Variants in LAPTM5 observed in about 807,000 individuals in gnomAD.
LAPTM5 encodes the protein lysosomal-associated transmembrane protein 5.
A neutral mutation model predicts 30.1 loss-of-function variants in LAPTM5; 11 were observed. The ratio of observed to expected loss-of-function variants is 0.37; its 90% CI spans 0.23 to 0.60. The LOEUF is 0.60. Ranked by LOEUF, LAPTM5 falls within the 20% of genes least tolerant of loss-of-function variation. The probability of loss-of-function intolerance (pLI) is 0.71; values close to 1 mark genes in which losing one functional copy is unlikely to be tolerated. For missense variants in LAPTM5, 324 were observed against 332.5 expected, an observed-to-expected ratio of 0.97 and a Z score of 0.20; for synonymous variants, 151 against 137.9, an observed-to-expected ratio of 1.10 and a Z score of -0.67.
In LAPTM5 at chr1:30,735,209, C is replaced by T. The variant is rs754429654; in HGVS notation, c.663G>A (p.Ser221=). The change falls in exon 7 of 8, where the codon TCG becomes TCA. Residue 221 remains serine (S), a synonymous_variant. Transcript: ENST00000294507. ...TCTTGGAGTTTCTCTTCTCCTCCAC[C>T]GAGTTCATGCACTTGATCAATCTGT... ...RCYRLIKCMN[S]VEEKRNSKML... The T allele has an allele frequency of 1.4e-5, 22 of 1,613,950 alleles. No individual in the cohort carries two copies. The highest frequency in any genetic ancestry group is 3.3e-5 in the Admixed American group (2 of 60,002).
chr1:30,751,782 A>C (rs944462183), intron 1 of LAPTM5, among the ~76,000 whole-genome samples: 3 of 152,110 alleles, frequency 2.0e-5, no homozygotes, highest in African/African-American at 7.2e-5. Context: ...TCCACAGCCC[A>C]CTTCAGGCAC....
At chr1:30,737,788 CCA>C (rs1181895860) in intron 5 of LAPTM5, 89 bp from the exon 6 acceptor site, 19 of 832,680 alleles carry the variant, frequency 2.3e-5, no homozygotes, top group East Asian at 5.2e-5. Flanking sequence ...ATCCCACCCT[CCA>C]CACACACACG....
chr1:30,739,919 G>T lies in LAPTM5; in HGVS notation c.277C>A (p.Leu93Met), dbSNP rs946606797. Residue 93 changes from leucine (L) to methionine (M), a missense_variant, in exon 4 of 8, where the codon CTG (leucine) becomes ATG (methionine). Coordinates refer to ENST00000294507, the MANE Select transcript of LAPTM5 (RefSeq NM_006762.3). The surrounding 1 kb of genome is among the most constrained non-coding windows in gnomAD (Gnocchi z 4.2). ...GVVKNREKYL[L>M]PFLSLQIMDY... ...ATGATTTGCAGGGACAGGAAGGGCA[G>T]CAGGTACTTCTCCCGGTTCTGAAAG... 41 of 1,601,006 alleles carry T rather than the reference G, an allele frequency of 2.6e-5. No individual in the cohort carries two copies. The highest frequency in any genetic ancestry group is 3.5e-5 in the Non-Finnish European group (41 of 1,172,424).
At chr1:30,736,269 T>A (rs1639882309) in intron 6 of LAPTM5, among the ~76,000 whole-genome samples, 2 of 152,110 alleles carry the variant, frequency 1.3e-5, no homozygotes, top group African/African-American at 4.8e-5. Flanking sequence ...CAGCAGAGAC[T>A]GCCCAGGGCC....
At chr1:30,742,949 G>A (rs1439288898) in intron 1 of LAPTM5, among the ~76,000 whole-genome samples, 1 of 152,128 alleles carries the variant, frequency 6.6e-6, no homozygotes, top group Non-Finnish European at 1.5e-5. Flanking sequence ...TAAAGAGGTG[G>A]GGTGGGGGGT....
Position 30,735,181 on chromosome 1 carries a change from G to A in LAPTM5, c.691C>T (p.Leu231Phe), listed in dbSNP as rs762969146. Reference protein sequence around the residue: ...SVEEKRNSKMLQKVVLPSYEE... With the variant: ...SVEEKRNSKMFQKVVLPSYEE... Reference sequence around the variant, plus strand: ...CCTGCAGCCACACTCACCTTCTGGAGCATCTTGGAGTTTCTCTTCTCCTCC... The same window carrying A: ...CCTGCAGCCACACTCACCTTCTGGAACATCTTGGAGTTTCTCTTCTCCTCC... The change falls in exon 7 of 8, where the codon CTC (leucine) becomes TTC (phenylalanine). Residue 231 changes from leucine (L) to phenylalanine (F), a missense_variant. Coordinates refer to ENST00000294507, the MANE Select transcript of LAPTM5 (RefSeq NM_006762.3). The A allele has an allele frequency of 6.2e-7, 1 of 1,612,928 alleles. No homozygotes were observed. Among genetic ancestry groups the A allele is most frequent in the African/African-American group, 1.3e-5 (1 of 75,052 alleles).
chr1:30,751,945 G>A (rs1640144624), intron 1 of LAPTM5, among the ~76,000 whole-genome samples: 1 of 152,218 alleles, frequency 6.6e-6, no homozygotes. Context: ...GTAAGTAATG[G>A]AGATGGGCCT....
intron 6 of LAPTM5, among the ~76,000 whole-genome samples, chr1:30,737,363 G>A (rs548457500): frequency 8.5e-5 from 13 of 152,132 alleles, no homozygotes; most frequent in Non-Finnish European, 1.9e-4. Flanking sequence ...CCAGACAGCT[G>A]GAATTAGACA....
intron 1 of LAPTM5, among the ~76,000 whole-genome samples, chr1:30,755,326 C>G (rs968184601): frequency 1.3e-5 from 2 of 151,820 alleles, no homozygotes; most frequent in Non-Finnish European, 2.9e-5. Context: ...GCACAATTCA[C>G]TCCCCCAAGA....
rs1247492999 is a variant in LAPTM5, at chr1:30,739,907, A to T, written c.289T>A (p.Ser97Thr). Residue 97 changes from serine to threonine, a missense_variant, in exon 4 of 8, where the codon TCC becomes ACC. Transcript: ENST00000294507. The surrounding 1 kb of genome is among the most constrained non-coding windows in gnomAD (Gnocchi z 4.2). ...NREKYLLPFL[S>T]LQIMDYLLCL... ...AGGAGATAGTCCATGATTTGCAGGG[A>T]CAGGAAGGGCAGCAGGTACTTCTCC... 3 of 1,605,056 alleles carry T rather than the reference A, an allele frequency of 1.9e-6. No homozygotes were observed. In the Admixed American group the frequency reaches 5.1e-5, roughly 27 times the overall value.
chr1:30,739,739 G>A lies in LAPTM5; in HGVS notation c.387+70C>T. 1.3e-6 allele frequency: 2 copies of A among 1,489,652 alleles called. No homozygotes were observed. Among genetic ancestry groups the A allele is most frequent in the Non-Finnish European group, 1.8e-6 (2 of 1,113,680 alleles). 92.3% of individuals were successfully genotyped at this position (1,489,652 alleles called of 1,614,324 possible). A position where few individuals can be genotyped will look rare whatever the true frequency, so the allele number is the denominator to read the frequency against. On this transcript the variant is annotated intron_variant, in intron 4 of 7. Coordinates refer to ENST00000294507, the MANE Select transcript of LAPTM5 (RefSeq NM_006762.3). This position sits in a 1 kb window ranked among gnomAD's most constrained non-coding sequence, Gnocchi z 4.2. ...CAGCCTGAGCACAGGGCCCGTGTCT[G>A]GTCCCCTCCCATCTCCCATGCCAGA...
At chr1:30,743,599 C>T (rs1002103886) in intron 1 of LAPTM5, among the ~76,000 whole-genome samples, 7 of 152,132 alleles carry the variant, frequency 4.6e-5, no homozygotes, top group African/African-American at 1.7e-4. Flanking sequence ...CTATGACATA[C>T]ATACAGTTCT....
intron 6 of LAPTM5, among the ~76,000 whole-genome samples, chr1:30,737,299 G>C (rs563681615): frequency 6.6e-6 from 1 of 152,210 alleles, no homozygotes; most frequent in African/African-American, 2.4e-5. Flanking sequence ...GACCAACCAC[G>C]CAGCTAGTGA....
At chr1:30,754,475 G>A (rs1039195186) in intron 1 of LAPTM5, among the ~76,000 whole-genome samples, 7 of 152,214 alleles carry the variant, frequency 4.6e-5, no homozygotes, top group Non-Finnish European at 8.8e-5. Flanking sequence ...GTTCAAGGCT[G>A]CAGTGAGCTG....
At chr1:30,755,382 G>A (rs1640195800) in intron 1 of LAPTM5, among the ~76,000 whole-genome samples, 1 of 152,034 alleles carries the variant, frequency 6.6e-6, no homozygotes, top group Admixed American at 6.6e-5. Context: ...CTGCAGAGAA[G>A]ATCCAACTTC....
rs548397660 is a variant in LAPTM5, at chr1:30,749,912, G to A, written c.88-7363C>T. Among the ~76,000 whole-genome samples, 5 of 152,052 alleles carry A rather than the reference G, an allele frequency of 3.3e-5. No individual in the cohort carries two copies. In the South Asian group the frequency reaches 6.2e-4, roughly 19 times the overall value. ...GGCTGGGGGAACACACGGATCCACC[G>A]GTTTGGCAGGGGTGGGGCCTCTGGG... On this transcript the variant is annotated intron_variant, in intron 1 of 7. Coordinates refer to ENST00000294507, the MANE Select transcript of LAPTM5 (RefSeq NM_006762.3).
chr1:30,737,738 A>G (rs1294750104), intron 5 of LAPTM5, 39 bp from the exon 6 acceptor site: 2 of 1,375,348 alleles, frequency 1.5e-6, no homozygotes, highest in South Asian at 1.2e-5. Context: ...GTCTCTGGAC[A>G]TAAGGAATTC....
chr1:30,741,175 T>A (rs928426271), intron 3 of LAPTM5, among the ~76,000 whole-genome samples: 16 of 152,028 alleles, frequency 1.1e-4, no homozygotes, highest in African/African-American at 3.9e-4. Context: ...AGGGCGTAGG[T>A]CCCCCTCAGG....
chr1:30,737,571 C>A, intron 6 of LAPTM5, 33 bp downstream of exon 6: 2 of 1,527,194 alleles, frequency 1.3e-6, no homozygotes, highest in South Asian at 1.1e-5. Context: ...CCTCACCACC[C>A]CTCCCAGAGC....
Sources: allele counts gnomAD v4.1 joint callset (sites outside exome capture counted in the v4.1 genomes callset), GRCh38; gene constraint gnomAD v4.1.1; non-coding constraint Gnocchi (gnomAD v3.1); transcripts MANE v1.5; gene names NCBI Gene and HGNC (gene_info 2026-07-23, HGNC 2026-07-21).